The following SAFB variants were observed in gnomAD, a reference collection of about 807,000 sequenced individuals.
SAFB encodes the protein scaffold attachment factor B.
A neutral mutation model predicts 101.6 loss-of-function variants in SAFB; 15 were observed. The observed-to-expected ratio is 0.15, with a 90% CI of 0.10 to 0.23. The LOEUF (loss-of-function observed/expected upper bound fraction) is 0.23. Ranked by LOEUF, SAFB falls within the 10% of genes least tolerant of loss-of-function variation. The pLI, the probability that SAFB is intolerant of heterozygous loss-of-function variation, is 1.00. For missense variants in SAFB, 930 were observed against 1,104.1 expected, an observed-to-expected ratio of 0.84 and a Z score of 2.23; for synonymous variants, 449 against 407.5, an observed-to-expected ratio of 1.10 and a Z score of -1.23.
rs1187828728 is a variant in SAFB, at chr19:5,651,218, C to T, written c.1293+146C>T. On this transcript the variant is annotated intron_variant, in intron 9 of 20. Coordinates refer to ENST00000588852, the MANE Select transcript of SAFB (RefSeq NM_001201338.2). ...TGGCTGGGGAGGGTCTGCCCGTCCA[C>T]AGGTAGAGGTGAGAGTGGTGTGGAA... 3 of 555,256 alleles carry T rather than the reference C, an allele frequency of 5.4e-6. No individual in the cohort carries two copies. The East Asian group carries it at 9.1e-5, about 17-fold the overall frequency. 34.4% of individuals were successfully genotyped at this position (555,256 alleles called of 1,614,324 possible). A position where few individuals can be genotyped will look rare whatever the true frequency, so the allele number is the denominator to read the frequency against.
intron 14 of SAFB, among the ~76,000 whole-genome samples, chr19:5,659,466 C>T (rs1263813942): frequency 6.6e-6 from 1 of 151,828 alleles, no homozygotes; most frequent in African/African-American, 2.4e-5. Flanking sequence ...ACTGCAAGCT[C>T]CGTCCCCTGG....
chr19:5,636,627 T>C (rs970808009), intron 2 of SAFB, among the ~76,000 whole-genome samples: 1 of 152,118 alleles, frequency 6.6e-6, no homozygotes, highest in Admixed American at 6.5e-5. Context: ...AATTTTTGTC[T>C]TTGGCTTTTC....
At chr19:5,628,163 A>C (rs539262618) in intron 2 of SAFB, among the ~76,000 whole-genome samples, 1 of 152,086 alleles carries the variant, frequency 6.6e-6, no homozygotes, top group Admixed American at 6.5e-5. Context: ...AGGCAGGAGA[A>C]TTGCCTGAAC....
In SAFB at chr19:5,654,393, A is replaced by G; in HGVS notation, c.1692A>G (p.Val564=). 1 of 1,612,846 alleles carries G rather than the reference A, an allele frequency of 6.2e-7. No homozygotes were observed. Among genetic ancestry groups the G allele is most frequent in the Non-Finnish European group, 8.5e-7 (1 of 1,178,984 alleles). The change falls in exon 13 of 21, where the codon GTA becomes GTG. Residue 564 remains valine (V), a synonymous_variant. Transcript: ENST00000588852. The part of the protein sequence containing the change: ...KSGSRGTERT[V]VMDKSKGVPV... Reference sequence around the variant, plus strand: ...GAAGTCGAGGGACCGAACGGACTGTAGTAATGGATAAATCCAAAGGGGTGC... The same window carrying G: ...GAAGTCGAGGGACCGAACGGACTGTGGTAATGGATAAATCCAAAGGGGTGC...
rs2054204233 is a variant in SAFB at position 5,661,575 on chromosome 19, G to C, written c.1920G>C (p.Glu640Asp). Residue 640 changes from glutamate to aspartate, a missense_variant, in exon 15 of 21, where the codon GAG (glutamate) becomes GAC (aspartate). Glu to Asp is a conservative substitution (Grantham distance 45). This residue lies in a region of SAFB where 159 missense variants were observed against 234.1 expected (regional missense o/e 0.68). Transcript: ENST00000588852. Reference sequence around the variant, plus strand: ...GCATGCAGGCGCAGTGGGAGCGCGAGGAGCGTGAGCGGCTGGAGATTGCCC... The same window carrying C: ...GCATGCAGGCGCAGTGGGAGCGCGACGAGCGTGAGCGGCTGGAGATTGCCC... ...EQRMQAQWER[E>D]ERERLEIARE... 7 of 1,613,132 alleles carry C rather than the reference G, an allele frequency of 4.3e-6. No homozygotes were observed. Among genetic ancestry groups the C allele is most frequent in the Non-Finnish European group, 5.1e-6 (6 of 1,179,936 alleles).
intron 1 of SAFB, among the ~76,000 whole-genome samples, chr19:5,623,756 G>T (rs540416653): frequency 6.6e-6 from 1 of 151,974 alleles, no homozygotes; most frequent in Non-Finnish European, 1.5e-5. Flanking sequence ...GAAGGGACTC[G>T]GCCAAGGTCA....
At chr19:5,649,735 G>A in intron 7 of SAFB, 191 bp from the exon 8 acceptor site, 1 of 812,256 alleles carries the variant, frequency 1.2e-6, no homozygotes, top group Non-Finnish European at 1.9e-6. Context: ...CTTTAGCCCA[G>A]CAGAATTAAT....
intron 14 of SAFB, among the ~76,000 whole-genome samples, chr19:5,661,296 G>A (rs768973820): frequency 6.6e-6 from 1 of 152,088 alleles, no homozygotes; most frequent in Non-Finnish European, 1.5e-5. Flanking sequence ...AGGAGGCCCA[G>A]TTCTGATCAC....
intron 14 of SAFB, among the ~76,000 whole-genome samples, chr19:5,659,530 T>C: frequency 6.6e-6 from 1 of 151,756 alleles, no homozygotes; most frequent in Non-Finnish European, 1.5e-5. Context: ...TACAGGCGCC[T>C]GCCATCATGC....
rs368358585 is a variant in SAFB at position 5,626,432 on chromosome 19, G to A, written c.217G>A (p.Asp73Asn). The A allele has an allele frequency of 4.3e-6, 7 of 1,610,248 alleles. No homozygotes were observed. The South Asian group carries it at 7.7e-5, about 18-fold the overall frequency. The change falls in exon 2 of 21, where the codon GAC becomes AAC. Residue 73 changes from aspartate (D) to asparagine (N), a missense_variant. Transcript: ENST00000588852. ...KAIEDEGGNP[D>N]EIEITSEGNK... ...AATTGAAGATGAAGGTGGTAATCCT[G>A]ACGAAATTGAAATTACCTCCGAGGG...
chr19:5,652,413 C>G (rs1465876952), intron 9 of SAFB, among the ~76,000 whole-genome samples: 2 of 152,094 alleles, frequency 1.3e-5, no homozygotes, highest in African/African-American at 4.8e-5. Flanking sequence ...CGCAGCAGGC[C>G]TGATGTGGGT....
intron 14 of SAFB, among the ~76,000 whole-genome samples, chr19:5,660,330 C>G (rs1219464523): frequency 3.4e-5 from 5 of 145,170 alleles, no homozygotes; most frequent in Non-Finnish European, 7.5e-5. Context: ...TTAAGTAGCT[C>G]CCTGCACACA....
chr19:5,628,377 C>T (rs1335469366), intron 2 of SAFB, among the ~76,000 whole-genome samples: 9 of 152,130 alleles, frequency 5.9e-5, no homozygotes, highest in Non-Finnish European at 1.2e-4. Flanking sequence ...GCGGTATTTT[C>T]GTACGCATAA....
chr19:5,664,003 G>A lies in SAFB; in HGVS notation c.2154-19G>A, dbSNP rs745545427. ...TGGGGTGGGGGATCCCTCTATCTCT[G>A]TCTCATGTCCCCTCACAGGCGAGAT... On this transcript the variant is annotated intron_variant, in intron 15 of 20. Coordinates refer to ENST00000588852, the MANE Select transcript of SAFB (RefSeq NM_001201338.2). 4 of 1,612,298 alleles carry A rather than the reference G, an allele frequency of 2.5e-6. No individual in the cohort carries two copies. Among genetic ancestry groups the A allele is most frequent in the Admixed American group, 1.7e-5 (1 of 59,780 alleles).
At chr19:5,626,349 G>C (rs1599308904) in intron 1 of SAFB, 56 bp from the exon 2 acceptor site, 1 of 996,458 alleles carries the variant, frequency 1.0e-6, no homozygotes, top group Admixed American at 1.7e-5. Flanking sequence ...AGAGCTCTCT[G>C]AAAGCAGTGT....
chr19:5,656,575 ATTT>A (rs918418902), intron 13 of SAFB, among the ~76,000 whole-genome samples: 3 of 128,360 alleles, frequency 2.3e-5, no homozygotes, highest in African/African-American at 8.9e-5. Context: ...TGCGCCAGCA[ATTT>A]TTTTTTTTTT....
chr19:5,638,676 C>T (rs1056375031), intron 2 of SAFB, among the ~76,000 whole-genome samples: 4 of 143,444 alleles, frequency 2.8e-5, no homozygotes, highest in African/African-American at 5.2e-5. Context: ...ACCTTCCAAT[C>T]GTTTTTTAGT....
Position 5,623,112 on chromosome 19 carries a change from C to A in SAFB, c.-94C>A. On this transcript the variant is annotated 5_prime_UTR_variant, in exon 1 of 21. Transcript: ENST00000588852. ...GCGAGGCGCGCTGGGGCGACTGGAGCGGTTCCCTCGCAGGCGGCGCCATTT... is the reference window on the plus strand; with the variant it reads ...GCGAGGCGCGCTGGGGCGACTGGAGAGGTTCCCTCGCAGGCGGCGCCATTT... The A allele has an allele frequency of 2.4e-6, 3 of 1,272,592 alleles. No individual in the cohort carries two copies. The highest frequency in any genetic ancestry group is 3.3e-6 in the Non-Finnish European group (3 of 910,530). The allele number at this position is 1,272,592 out of a possible 1,614,324, so 78.8% of individuals were successfully genotyped here. A position where few individuals can be genotyped will look rare whatever the true frequency, so the allele number is the denominator to read the frequency against.
At chr19:5,625,979 G>A (rs2053350003) in intron 1 of SAFB, among the ~76,000 whole-genome samples, 1 of 152,182 alleles carries the variant, frequency 6.6e-6, no homozygotes, top group Non-Finnish European at 1.5e-5. Context: ...AGTATTTTGT[G>A]AGTAAAGTCA....
Sources: allele counts gnomAD v4.1 joint callset (sites outside exome capture counted in the v4.1 genomes callset), GRCh38; gene constraint gnomAD v4.1.1; regional missense constraint gnomAD v4.1.1; transcripts MANE v1.5; gene names NCBI Gene and HGNC (gene_info 2026-07-23, HGNC 2026-07-21).